The following ACOT12 variants were observed in gnomAD, a reference collection of about 807,000 sequenced individuals.
The protein encoded by ACOT12 is acyl-CoA thioesterase 12.
ACOT12 carries 51 observed loss-of-function variants against 67.7 expected under a neutral mutation model. The ratio of observed to expected loss-of-function variants is 0.75; its 90% CI spans 0.60 to 0.95. ACOT12 has a LOEUF of 0.95. Ranked by LOEUF, ACOT12 falls within the 40% of genes least tolerant of loss-of-function variation. ACOT12 has a pLI of 0.00. For synonymous variants in ACOT12, 251 were observed against 244.6 expected, an observed-to-expected ratio of 1.03 and a Z score of -0.24; for missense variants, 734 against 708.1, an observed-to-expected ratio of 1.04 and a Z score of -0.41.
At chr5:81,344,733 GA>G (rs1759318187) in intron 8 of ACOT12, among the ~76,000 whole-genome samples, 157 bp downstream of exon 8, 1 of 151,988 alleles carries the variant, frequency 6.6e-6, no homozygotes, top group Non-Finnish European at 1.5e-5. Context: ...TGATCGGGGG[GA>G]AAAGGAAAAG....
the ACOT12 span, chr5:81,311,069 T>G: frequency 1.3e-6 from 1 of 782,996 alleles, no homozygotes; most frequent in African/African-American, 1.7e-5. Context: ...ATAGGAATAG[T>G]GGCACCTCCC....
At chr5:81,388,444 G>C (rs1383415320) in intron 1 of ACOT12, among the ~76,000 whole-genome samples, 1 of 152,174 alleles carries the variant, frequency 6.6e-6, no homozygotes, top group African/African-American at 2.4e-5. Flanking sequence ...CTTCATACCA[G>C]CAGAAGTGGA....
intron 5 of ACOT12, among the ~76,000 whole-genome samples, chr5:81,350,122 T>C (rs1759508608): frequency 6.6e-6 from 1 of 152,216 alleles, no homozygotes; most frequent in African/African-American, 2.4e-5. Context: ...TTTTTGCATG[T>C]TAGACATTTC....
chr5:81,363,955 G>A, intron 3 of ACOT12, 66 bp from the exon 4 acceptor site: 1 of 1,134,472 alleles, frequency 8.8e-7, no homozygotes. Context: ...TCAAAATTTA[G>A]TCATATGTAT....
At chr5:81,322,055 C>G in the ACOT12 span, among the ~76,000 whole-genome samples, 3 of 152,228 alleles carry the variant, frequency 2.0e-5, no homozygotes, top group African/African-American at 4.8e-5. Context: ...GGTTAACAGA[C>G]ATTGAGGACA....
At chr5:81,385,885 AAG>A in intron 1 of ACOT12, 59 bp from the exon 2 acceptor site, 1 of 1,491,864 alleles carries the variant, frequency 6.7e-7, no homozygotes. Flanking sequence ...ATTTCAGTAT[AAG>A]GGAAAGGAAT....
At chr5:81,370,761 C>T (rs1760224763) in intron 3 of ACOT12, among the ~76,000 whole-genome samples, 1 of 152,154 alleles carries the variant, frequency 6.6e-6, no homozygotes, top group Admixed American at 6.6e-5. Flanking sequence ...GTTTAGGCCA[C>T]CCAGTCTGTG....
Position 81,394,043 on chromosome 5 carries a change from G to T in ACOT12, c.72C>A (p.Gly24=). ...TGAGCAGCTGCCCCGCGCTCAGCTC[G>T]CCGCGCGCAGTGGCGTGCGCCGGCT... is the stretch of plus-strand genomic sequence containing the variant. ...AIQPAHATAR[G]ELSAGQLLKW... The change falls in exon 1 of 15, where the codon GGC becomes GGA. Residue 24 remains glycine, a synonymous_variant. Transcript: ENST00000307624. 1.4e-6 allele frequency: 2 copies of T among 1,472,042 alleles called. No homozygotes were observed. The highest frequency in any genetic ancestry group is 2.9e-5 in the East Asian group (1 of 34,166). 91.2% of individuals were successfully genotyped at this position (1,472,042 alleles called of 1,614,324 possible). A position where few individuals can be genotyped will look rare whatever the true frequency, so the allele number is the denominator to read the frequency against.
chr5:81,370,717 T>C (rs1040950425), intron 3 of ACOT12, among the ~76,000 whole-genome samples: 1 of 152,194 alleles, frequency 6.6e-6, no homozygotes, highest in Non-Finnish European at 1.5e-5. Context: ...GTAGGACTTC[T>C]AGCTCCCAGA....
At chr5:81,317,617 G>A in the ACOT12 span, among the ~76,000 whole-genome samples, 3 of 152,154 alleles carry the variant, frequency 2.0e-5, no homozygotes, top group African/African-American at 7.2e-5. Context: ...TGGGAAGCAG[G>A]CACAATCTTT....
chr5:81,321,059 C>G, the ACOT12 span, among the ~76,000 whole-genome samples: 1 of 152,084 alleles, frequency 6.6e-6, no homozygotes, highest in Non-Finnish European at 1.5e-5. Flanking sequence ...AGCTCAAGAC[C>G]GGCCTGGGCA....
intron 4 of ACOT12, among the ~76,000 whole-genome samples, chr5:81,363,011 C>T (rs2153854949): frequency 6.6e-6 from 1 of 152,302 alleles, no homozygotes; most frequent in Middle Eastern, 3.4e-3. Context: ...TGAGACCAAC[C>T]TGACCAACAT....
At chr5:81,383,240 T>TTATC (rs1449879228) in intron 2 of ACOT12, among the ~76,000 whole-genome samples, 1 of 152,004 alleles carries the variant, frequency 6.6e-6, no homozygotes, top group African/African-American at 2.4e-5. Context: ...TATCAGGGCA[T>TTATC]GGTGGCAGCT....
the ACOT12 span, among the ~76,000 whole-genome samples, chr5:81,324,972 G>T: frequency 6.6e-6 from 1 of 152,198 alleles, no homozygotes. Context: ...TTTAGGAAAT[G>T]CATCCAGAAA....
intron 5 of ACOT12, among the ~76,000 whole-genome samples, chr5:81,355,101 T>C (rs1208183079): frequency 1.3e-5 from 2 of 152,194 alleles, no homozygotes; most frequent in Admixed American, 1.3e-4. Flanking sequence ...TCTTTCATCC[T>C]TTACAGCATA....
chr5:81,327,126 T>C (rs948831735), downstream of ACOT12, among the ~76,000 whole-genome samples: 3 of 151,058 alleles, frequency 2.0e-5, no homozygotes, highest in African/African-American at 7.3e-5. Flanking sequence ...TAATAAGAAA[T>C]ATAAACAAAA....
intron 5 of ACOT12, among the ~76,000 whole-genome samples, chr5:81,349,456 C>T (rs909850996): frequency 1.4e-4 from 22 of 152,092 alleles, no homozygotes; most frequent in African/African-American, 5.3e-4. Context: ...AACAACAGGG[C>T]ATTTGTCACA....
chr5:81,318,822 G>A, the ACOT12 span, among the ~76,000 whole-genome samples: 1 of 152,182 alleles, frequency 6.6e-6, no homozygotes, highest in Non-Finnish European at 1.5e-5. Context: ...AGATGGGGCT[G>A]TTTGCACTAA....
chr5:81,338,381 A>G (rs1320936945), intron 11 of ACOT12, among the ~76,000 whole-genome samples: 1 of 152,108 alleles, frequency 6.6e-6, no homozygotes, highest in Non-Finnish European at 1.5e-5. Context: ...TTCTTGTGAT[A>G]GTGAGTGAGT....
Sources: allele counts gnomAD v4.1 joint callset (sites outside exome capture counted in the v4.1 genomes callset), GRCh38; gene constraint gnomAD v4.1.1; transcripts MANE v1.5; gene names NCBI Gene and HGNC (gene_info 2026-07-23, HGNC 2026-07-21).